SLC44A1: variants seen among roughly 807,000 people sequenced by gnomAD.
SLC44A1 encodes solute carrier family 44 member 1.
Under a neutral mutation model 79.3 loss-of-function variants are expected in SLC44A1, and 26 were observed. The ratio of observed to expected loss-of-function variants is 0.33; its 90% CI spans 0.24 to 0.46. The LOEUF is 0.46. Among genes scored for constraint, SLC44A1 ranks in the 20% least tolerant of loss-of-function variants. The probability of loss-of-function intolerance (pLI) is 1.00; values close to 1 mark genes in which losing one functional copy is unlikely to be tolerated. For synonymous variants in SLC44A1, 263 were observed against 286.2 expected, an observed-to-expected ratio of 0.92 and a Z score of 0.82; for missense variants, 688 against 798.1, an observed-to-expected ratio of 0.86 and a Z score of 1.66.
chr9:105,292,813 T>C (rs893706138), intron 1 of SLC44A1, among the ~76,000 whole-genome samples: 2 of 152,232 alleles, frequency 1.3e-5, no homozygotes, highest in African/African-American at 4.8e-5. Context: ...GCTGTCTTAC[T>C]TGTTGCATCT....
chr9:105,434,010 A>G (rs1184850431), intron 15 of SLC44A1, among the ~76,000 whole-genome samples: 6 of 152,120 alleles, frequency 3.9e-5, no homozygotes, highest in Non-Finnish European at 8.8e-5. Context: ...AAATTACTAA[A>G]CTCAGATAAT....
intron 1 of SLC44A1, among the ~76,000 whole-genome samples, chr9:105,297,826 T>C (rs1192056672): frequency 6.6e-6 from 1 of 152,198 alleles, no homozygotes; most frequent in Non-Finnish European, 1.5e-5. Flanking sequence ...CTCCCTTATC[T>C]CCAGCCCCCT....
chr9:105,385,748 G>A (rs1043377755), intron 15 of SLC44A1: 4 of 985,396 alleles, frequency 4.1e-6, no homozygotes, highest in Non-Finnish European at 4.8e-6. Flanking sequence ...CGGCAGGGGC[G>A]GGTAGGGGAT....
intron 13 of SLC44A1, among the ~76,000 whole-genome samples, chr9:105,376,448 A>G (rs1828293671): frequency 6.7e-6 from 1 of 149,570 alleles, no homozygotes; most frequent in Non-Finnish European, 1.5e-5. Context: ...ATTTCGGCTC[A>G]CTGCAACCTC....
At chr9:105,276,177 C>A (rs554091185) in intron 1 of SLC44A1, among the ~76,000 whole-genome samples, 1 of 152,282 alleles carries the variant, frequency 6.6e-6, no homozygotes, top group African/African-American at 2.4e-5. Context: ...TTCCAAGTGT[C>A]CTTGATCTGA....
At chr9:105,302,587 A>C (rs1830907799) in intron 2 of SLC44A1, among the ~76,000 whole-genome samples, 1 of 151,798 alleles carries the variant, frequency 6.6e-6, no homozygotes. Context: ...CCTGACCTCA[A>C]GTGATCTGCA....
chr9:105,355,987 G>T, intron 5 of SLC44A1: 1 of 518,988 alleles, frequency 1.9e-6, no homozygotes, highest in Non-Finnish European at 3.4e-6. Flanking sequence ...GTCTTCTGTT[G>T]GAACATGCAC....
At chr9:105,302,999 T>A (rs1032944564) in intron 2 of SLC44A1, among the ~76,000 whole-genome samples, 1 of 152,136 alleles carries the variant, frequency 6.6e-6, no homozygotes, top group African/African-American at 2.4e-5. Flanking sequence ...ATCCGTAACA[T>A]TTATCAATGG....
chr9:105,343,943 T>A (rs1335181311), intron 4 of SLC44A1, among the ~76,000 whole-genome samples: 2 of 152,218 alleles, frequency 1.3e-5, no homozygotes, highest in Non-Finnish European at 2.9e-5. Flanking sequence ...CCTGGCTAAT[T>A]TCTGTAGGTG....
chr9:105,428,771 C>T (rs532000013), intron 15 of SLC44A1, among the ~76,000 whole-genome samples: 1 of 152,334 alleles, frequency 6.6e-6, no homozygotes, highest in African/African-American at 2.4e-5. Flanking sequence ...GCAATCTCGG[C>T]GCCCTACAGC....
intron 5 of SLC44A1, among the ~76,000 whole-genome samples, chr9:105,353,717 C>T (rs1827524758): frequency 6.6e-6 from 1 of 152,118 alleles, no homozygotes; most frequent in East Asian, 1.9e-4. Context: ...AAAAAGACAT[C>T]AGTATCCTTA....
intron 10 of SLC44A1, 81 bp from the exon 11 acceptor site, chr9:105,365,402 C>A: frequency 3.8e-6 from 4 of 1,064,974 alleles, no homozygotes; most frequent in Non-Finnish European, 5.5e-6. Context: ...TTTTTCACTG[C>A]GTTGGACTCT....
intron 1 of SLC44A1, among the ~76,000 whole-genome samples, chr9:105,260,781 G>A (rs192198435): frequency 1.2e-3 from 182 of 152,236 alleles, no homozygotes; most frequent in African/African-American, 4.3e-3. Context: ...CTGCACTGGA[G>A]GATTTTCTCC....
intron 6 of SLC44A1, chr9:105,357,257 T>C (rs1299602981): frequency 1.3e-5 from 2 of 152,204 alleles, no homozygotes; most frequent in African/African-American, 2.4e-5. Context: ...ATTGCAAAAG[T>C]GAGTACCTTA....
exon 16 of SLC44A1, chr9:105,438,461 A>T (rs550289069): frequency 3.6e-4 from 217 of 609,516 alleles, no homozygotes; most frequent in Non-Finnish European, 5.6e-4. Context: ...TGGATTTGGT[A>T]CAGTGCGGCT....
intron 2 of SLC44A1, among the ~76,000 whole-genome samples, chr9:105,308,825 C>A (rs1321051543): frequency 6.6e-6 from 1 of 152,204 alleles, no homozygotes; most frequent in South Asian, 2.1e-4. Flanking sequence ...CTCAGTCTTT[C>A]CCACCAATAC....
At chr9:105,303,793 C>G (rs931294613) in intron 2 of SLC44A1, among the ~76,000 whole-genome samples, 1 of 152,194 alleles carries the variant, frequency 6.6e-6, no homozygotes, top group Non-Finnish European at 1.5e-5. Flanking sequence ...GGACCAGTAA[C>G]CTTGCTTGCC....
chr9:105,413,218 C>T (rs975917367), intron 15 of SLC44A1, among the ~76,000 whole-genome samples: 2 of 152,154 alleles, frequency 1.3e-5, no homozygotes, highest in African/African-American at 2.4e-5. Context: ...CCTGCTATTG[C>T]TCTTCTGCCC....
At chr9:105,424,521 A>C (rs1829294754) in intron 15 of SLC44A1, among the ~76,000 whole-genome samples, 1 of 152,190 alleles carries the variant, frequency 6.6e-6, no homozygotes, top group East Asian at 1.9e-4. Context: ...TCCTGAATGC[A>C]ATGTTTACTG....
Sources: gnomAD v4.1 joint callset for allele counts (sites outside exome capture counted in the v4.1 genomes callset) on GRCh38, gnomAD v4.1.1 for gene constraint, MANE v1.5 for transcripts, NCBI Gene and HGNC (gene_info 2026-07-23, HGNC 2026-07-21) for gene names.